Variants in DMRT1 observed in about 807,000 individuals in gnomAD.
The protein encoded by DMRT1 is doublesex and mab-3 related transcription factor 1.
DMRT1 carries 7 observed loss-of-function variants against 32.3 expected under a neutral mutation model. That is an observed-to-expected ratio of 0.22 (90% CI 0.12 to 0.41). The LOEUF is 0.41. Ranked by LOEUF, DMRT1 falls within the 10% of genes least tolerant of loss-of-function variation. DMRT1 has a pLI of 1.00. For synonymous variants in DMRT1, 278 were observed against 206.1 expected, an observed-to-expected ratio of 1.35 and a Z score of -2.99; for missense variants, 625 against 500.5, an observed-to-expected ratio of 1.25 and a Z score of -2.37.
At chr9:920,327 A>G (rs1041888328) in intron 4 of DMRT1, among the ~76,000 whole-genome samples, 2 of 152,158 alleles carry the variant, frequency 1.3e-5, no homozygotes, top group Non-Finnish European at 2.9e-5. Flanking sequence ...AGCAAGGAAA[A>G]GAGGGAGGAG....
intron 4 of DMRT1, among the ~76,000 whole-genome samples, chr9:958,058 A>G (rs76354905): frequency 0.026 from 3,951 of 152,262 alleles, 86 homozygotes; most frequent in South Asian, 0.13. Context: ...TGAATCTTAA[A>G]TTTTCATTAA....
intron 4 of DMRT1, among the ~76,000 whole-genome samples, chr9:919,155 G>C (rs1818277216): frequency 6.6e-6 from 1 of 152,188 alleles, no homozygotes; most frequent in East Asian, 1.9e-4. Context: ...AGTTCCTTTG[G>C]TTGATTGTGT....
At chr9:888,710 T>A (rs904879902) in intron 2 of DMRT1, among the ~76,000 whole-genome samples, 1 of 143,394 alleles carries the variant, frequency 7.0e-6, no homozygotes, top group Non-Finnish European at 1.5e-5. Context: ...TTGTTAATAG[T>A]CAGGACTGTC....
intron 4 of DMRT1, among the ~76,000 whole-genome samples, chr9:954,766 C>G (rs1187514766): frequency 6.6e-6 from 1 of 152,070 alleles, no homozygotes; most frequent in African/African-American, 2.4e-5. Context: ...CTCAGCCTCC[C>G]TAGTAGCTGG....
At chr9:906,775 G>C (rs1230864652) in intron 3 of DMRT1, among the ~76,000 whole-genome samples, 1 of 152,198 alleles carries the variant, frequency 6.6e-6, no homozygotes, top group African/African-American at 2.4e-5. Context: ...AGCAAAGTAG[G>C]TCTTTATACT....
rs759196366 is a variant in DMRT1, at chr9:894,163, T to G, written c.790T>G (p.Tyr264Asp). 6.2e-7 allele frequency: 1 copy of G among 1,613,830 alleles called. No homozygotes were observed. Among genetic ancestry groups the G allele is most frequent in the Non-Finnish European group, 8.5e-7 (1 of 1,180,048 alleles). The change falls in exon 3 of 5, where the codon TAT becomes GAT. Residue 264 changes from tyrosine (Y) to aspartate (D), a missense_variant. Physicochemically the swap from Tyr to Asp is radical, Grantham distance 160. Transcript: ENST00000382276. The part of the protein sequence containing the change: ...KNSLRGLPGP[Y>D]VPGQTGNQWQ... ...CAGCCTTCGGGGCCTCCCCGGACCT[T>G]ATGTGCCTGGTCAGACAGGAAACCA... is the stretch of plus-strand genomic sequence containing the variant.
chr9:930,472 T>C (rs955690107), intron 4 of DMRT1, among the ~76,000 whole-genome samples: 3 of 151,856 alleles, frequency 2.0e-5, no homozygotes, highest in Admixed American at 6.6e-5. Flanking sequence ...AGTGCAGTGG[T>C]GCGATCTCGG....
At chr9:889,990 G>C (rs2132644891) in intron 2 of DMRT1, among the ~76,000 whole-genome samples, 1 of 151,746 alleles carries the variant, frequency 6.6e-6, no homozygotes, top group African/African-American at 2.4e-5. Flanking sequence ...AATTTGAGAA[G>C]CTCATAAGGC....
intron 4 of DMRT1, among the ~76,000 whole-genome samples, chr9:918,139 G>GTGAA (rs896896269): frequency 1.3e-5 from 2 of 152,200 alleles, no homozygotes; most frequent in Non-Finnish European, 2.9e-5. Context: ...TGTTGGTTGA[G>GTGAA]TGAATGAATG....
intron 4 of DMRT1, among the ~76,000 whole-genome samples, chr9:967,080 G>A (rs1034495189): frequency 2.6e-5 from 4 of 152,200 alleles, no homozygotes; most frequent in Non-Finnish European, 5.9e-5. Flanking sequence ...GCAGAATCCT[G>A]AGGCTGAAAC....
intron 2 of DMRT1, among the ~76,000 whole-genome samples, chr9:863,755 A>G (rs1345244287): frequency 6.6e-6 from 1 of 152,234 alleles, no homozygotes; most frequent in African/African-American, 2.4e-5. Flanking sequence ...ACAGTGAAAG[A>G]TGACTAATGC....
At chr9:936,124 T>G (rs1818877976) in intron 4 of DMRT1, among the ~76,000 whole-genome samples, 1 of 152,222 alleles carries the variant, frequency 6.6e-6, no homozygotes, top group African/African-American at 2.4e-5. Context: ...AGAAAGTGAA[T>G]TTTGTAAAAT....
rs554526244 is a variant in DMRT1 at position 912,310 on chromosome 9, G to C, written c.823-4453G>C. On this transcript the variant is annotated intron_variant, in intron 3 of 4. Transcript: ENST00000382276. ...GATTACGGTGTGAGATGAGATTTGA[G>C]TGAGGACACAGAGCCAAACCATATC... Among the ~76,000 whole-genome samples the C allele has an allele frequency of 9.2e-5, 14 of 152,284 alleles. No homozygotes were observed. The South Asian group carries it at 2.9e-3, about 32-fold the overall frequency.
intron 2 of DMRT1, among the ~76,000 whole-genome samples, chr9:893,252 G>A (rs749607334): frequency 2.6e-5 from 4 of 152,224 alleles, no homozygotes; most frequent in African/African-American, 9.6e-5. Context: ...ACACTTTAAT[G>A]TCTGTGCCAG....
chr9:892,783 C>T (rs1817203310), intron 2 of DMRT1, among the ~76,000 whole-genome samples: 1 of 152,172 alleles, frequency 6.6e-6, no homozygotes, highest in Admixed American at 6.6e-5. Flanking sequence ...CCTCACCTTA[C>T]CCTAGCCCAT....
intron 4 of DMRT1, among the ~76,000 whole-genome samples, chr9:936,880 T>C (rs750574321): frequency 6.6e-6 from 1 of 152,208 alleles, no homozygotes; most frequent in African/African-American, 2.4e-5. Flanking sequence ...TTTTTAAGCA[T>C]ACAATTCAGT....
intron 2 of DMRT1, among the ~76,000 whole-genome samples, chr9:881,895 A>G (rs980473986): frequency 1.3e-5 from 2 of 152,208 alleles, no homozygotes; most frequent in Non-Finnish European, 2.9e-5. Flanking sequence ...TAGAGTCCCA[A>G]ACTGTCTCTG....
At chr9:967,166 A>G (rs1033080628) in intron 4 of DMRT1, among the ~76,000 whole-genome samples, 10 of 152,174 alleles carry the variant, frequency 6.6e-5, no homozygotes, top group African/African-American at 2.4e-4. Context: ...GCAGGAAGGG[A>G]GTTCTGGGGG....
At chr9:927,064 AT>A (rs1245715021) in intron 4 of DMRT1, among the ~76,000 whole-genome samples, 2 of 152,220 alleles carry the variant, frequency 1.3e-5, no homozygotes, top group Non-Finnish European at 2.9e-5. Context: ...CCTCATTTGA[AT>A]CTGACCTGAA....
Sources: allele counts gnomAD v4.1 joint callset (sites outside exome capture counted in the v4.1 genomes callset), GRCh38; gene constraint gnomAD v4.1.1; transcripts MANE v1.5; gene names NCBI Gene and HGNC (gene_info 2026-07-23, HGNC 2026-07-21).